ZNF26: variants seen among roughly 807,000 people sequenced by gnomAD.
ZNF26 encodes the protein zinc finger protein 26, also known as epididymis luminal protein 179.
In ZNF26, 32 loss-of-function variants were observed where a neutral mutation model predicts 54.9. The observed-to-expected ratio is 0.58, with a 90% confidence interval of 0.44 to 0.78. The LOEUF (loss-of-function observed/expected upper bound fraction) is 0.78, where lower values mean the gene tolerates loss of function less well. Among genes scored for constraint, ZNF26 ranks in the 30% least tolerant of loss-of-function variants. The pLI, the probability that ZNF26 is intolerant of heterozygous loss-of-function variation, is 0.00. For synonymous variants in ZNF26, 221 were observed against 209.2 expected (o/e 1.06, Z -0.49); for missense variants, 524 against 634.0 (o/e 0.83, Z 1.86).
intron 1 of ZNF26, chr12:132,995,288 C>A: frequency 6.5e-6 from 1 of 152,680 alleles, no homozygotes; most frequent in South Asian, 1.9e-4. Flanking sequence ...AACACAACCC[C>A]ACGAGAAGGA....
intron 1 of ZNF26, among the ~76,000 whole-genome samples, chr12:133,000,985 C>G (rs1953207530): frequency 5.9e-5 from 9 of 152,180 alleles, no homozygotes; most frequent in Admixed American, 5.9e-4. Context: ...CTCTTCCATC[C>G]TGTGTCCCCA....
chr12:132,995,630 A>G (rs1270440288), intron 1 of ZNF26, among the ~76,000 whole-genome samples: 7 of 152,118 alleles, frequency 4.6e-5, no homozygotes, highest in Non-Finnish European at 4.4e-5. Flanking sequence ...TTTAAAAGGA[A>G]TAACCACAGA....
At chr12:133,000,570 G>A (rs1021297132) in intron 1 of ZNF26, among the ~76,000 whole-genome samples, 145 of 151,832 alleles carry the variant, frequency 9.6e-4, no homozygotes, top group African/African-American at 3.4e-3. Context: ...GACTACAGGC[G>A]CCCGCCACCA....
In ZNF26 at chr12:133,014,488, G is replaced by C. The variant is rs1373261557; in HGVS notation, c.*3007G>C. ...GGCAATTACTTACAGCATATACTTG[G>C]TGCACTGACACCCAGCAGTGATGAT... On this transcript the variant is annotated 3_prime_UTR_variant, in exon 4 of 4. Coordinates refer to ENST00000328654, the MANE Select transcript of ZNF26 (RefSeq NM_019591.4). 6.6e-6 allele frequency: 1 copy of C among 151,908 alleles called. No individual in the cohort carries two copies. Among genetic ancestry groups the C allele is most frequent in the African/African-American group, 2.4e-5 (1 of 41,348 alleles). 9.4% of individuals were successfully genotyped at this position (151,908 alleles called of 1,614,324 possible). A position where few individuals can be genotyped will look rare whatever the true frequency, so the allele number is the denominator to read the frequency against.
intron 1 of ZNF26, among the ~76,000 whole-genome samples, chr12:132,994,521 C>T (rs1162361835): frequency 2.6e-5 from 4 of 152,134 alleles, no homozygotes; most frequent in Non-Finnish European, 4.4e-5. Context: ...TCTCTCTCCT[C>T]GGAGGTAATC....
At position 133,013,289 on chromosome 12, in the gene ZNF26, T is replaced by C. The variant is rs371873596; in HGVS notation, c.*1808T>C. 1.0e-3 allele frequency: 154 copies of C among 152,336 alleles called. 4 individuals carry two copies. The East Asian group carries it at 0.021, about 20-fold the overall frequency. 9.4% of individuals were successfully genotyped at this position (152,336 alleles called of 1,614,324 possible). A position where few individuals can be genotyped will look rare whatever the true frequency, so the allele number is the denominator to read the frequency against. ...CAACTTTGACATTGCTGAAAAAGTT[T>C]CTTACAGCTGTAGGAGTGAGGTGGT... On this transcript the variant is annotated 3_prime_UTR_variant, in exon 4 of 4. Coordinates refer to ENST00000328654, the MANE Select transcript of ZNF26 (RefSeq NM_019591.4).
chr12:133,007,595 T>A, intron 3 of ZNF26, 63 bp downstream of exon 3: 1 of 1,165,494 alleles, frequency 8.6e-7, no homozygotes, highest in Non-Finnish European at 1.2e-6. Flanking sequence ...ACCTGAGGAG[T>A]GGGCACTCAC....
chr12:133,007,350 G>A, intron 2 of ZNF26, 87 bp from the exon 3 acceptor site: 1 of 1,332,920 alleles, frequency 7.5e-7, no homozygotes, highest in Non-Finnish European at 1.0e-6. Flanking sequence ...CCCCAAGTGA[G>A]ATGAGCAGTT....
intron 1 of ZNF26, among the ~76,000 whole-genome samples, chr12:133,002,108 C>G (rs961832873): frequency 1.0e-3 from 153 of 152,290 alleles, no homozygotes; most frequent in African/African-American, 3.5e-3. Context: ...CCCCCATCTT[C>G]CGTCATTCAT....
Position 133,012,807 on chromosome 12 carries a change from G to C in ZNF26, c.*1326G>C, listed in dbSNP as rs983415039. ...TTGGCCAGGCTGGTCTTGAACTCCT[G>C]ACCTCAGGTGATCTGCCCACTTCAG... is the stretch of plus-strand genomic sequence containing the variant. On this transcript the variant is annotated 3_prime_UTR_variant, in exon 4 of 4. Transcript: ENST00000328654. 42 of 152,008 alleles carry C rather than the reference G, an allele frequency of 2.8e-4. No individual in the cohort carries two copies. The highest frequency in any genetic ancestry group is 9.4e-4 in the African/African-American group (39 of 41,448). The allele number at this position is 152,008 out of a possible 1,614,324, so 9.4% of individuals were successfully genotyped here.
chr12:133,001,573 A>G lies in ZNF26; in HGVS notation c.34-5469A>G, dbSNP rs4758930. 948,050 of 1,004,594 alleles carry G rather than the reference A, an allele frequency of 0.94. 448,927 individuals are homozygous for G. The highest frequency in any genetic ancestry group is 1 in the East Asian group (16,641 of 16,674). 62.2% of individuals were successfully genotyped at this position (1,004,594 alleles called of 1,614,324 possible). On this transcript the variant is annotated intron_variant, in intron 1 of 3. Transcript: ENST00000328654. The surrounding 1 kb of genome is among the most constrained non-coding windows in gnomAD (Gnocchi z 4.7). ...TGTATGTGATTCTTTCTCTCACTGC[A>G]TGCAGACTCACCCAGAAGTCCACTC...
At chr12:133,003,556 CT>C (rs1490561753) in intron 1 of ZNF26, among the ~76,000 whole-genome samples, 2 of 152,048 alleles carry the variant, frequency 1.3e-5, no homozygotes, top group African/African-American at 4.8e-5. Flanking sequence ...CCTGGCCTCC[CT>C]TTTCTTTTAG....
intron 1 of ZNF26, among the ~76,000 whole-genome samples, chr12:132,988,507 G>A (rs1012805348): frequency 1.1e-3 from 164 of 151,934 alleles, no homozygotes; most frequent in Middle Eastern, 0.01. Context: ...GCCTCCCAAA[G>A]CATTGGTGGG....
At chr12:132,997,051 G>A (rs1953101244) in intron 1 of ZNF26, among the ~76,000 whole-genome samples, 1 of 152,208 alleles carries the variant, frequency 6.6e-6, no homozygotes, top group Non-Finnish European at 1.5e-5. Flanking sequence ...GTAGGGAGGG[G>A]TGGTTCAGAA....
chr12:133,015,510 A>G lies in ZNF26; in HGVS notation c.*4029A>G, dbSNP rs1301862436. The G allele has an allele frequency of 6.7e-6, 1 of 149,048 alleles. No individual in the cohort carries two copies. The highest frequency in any genetic ancestry group is 1.5e-5 in the Non-Finnish European group (1 of 67,360). The allele number at this position is 149,048 out of a possible 1,614,324, so 9.2% of individuals were successfully genotyped here. ...AAAGAGAACTAAAAAATGAAAAAAA[A>G]TAAGATGCTTTCCTATGGTCCCAGC... On this transcript the variant is annotated 3_prime_UTR_variant, in exon 4 of 4. Transcript: ENST00000328654.
rs1953575531 is a variant in ZNF26, at chr12:133,017,008, G to A, written c.*5527G>A. 6.6e-6 allele frequency: 1 copy of A among 152,040 alleles called. No individual in the cohort carries two copies. The highest frequency in any genetic ancestry group is 1.5e-5 in the Non-Finnish European group (1 of 68,022). The allele number at this position is 152,040 out of a possible 1,614,324, so 9.4% of individuals were successfully genotyped here. A position where few individuals can be genotyped will look rare whatever the true frequency, so the allele number is the denominator to read the frequency against. ...TGAAAGAAAATATCTACCTAGAAGG[G>A]TTATTCACAAACCAGGGTGAAATAA... On this transcript the variant is annotated 3_prime_UTR_variant, in exon 4 of 4. Coordinates refer to ENST00000328654, the MANE Select transcript of ZNF26 (RefSeq NM_019591.4).
At chr12:133,007,604 A>T in intron 3 of ZNF26, 72 bp downstream of exon 3, 1 of 1,080,070 alleles carries the variant, frequency 9.3e-7, no homozygotes, top group Non-Finnish European at 1.4e-6. Flanking sequence ...GTGGGCACTC[A>T]CAGTGTTGTC....
In ZNF26 at chr12:133,010,985, C is replaced by CT; in HGVS notation, c.1108dup (p.Tyr370LeufsTer5). The CT allele has an allele frequency of 6.2e-7, 1 of 1,614,028 alleles. No individual in the cohort carries two copies. Among genetic ancestry groups the CT allele is most frequent in the Non-Finnish European group, 8.5e-7 (1 of 1,180,000 alleles). The stretch of plus-strand genomic sequence containing the variant: ...CAGGGAGTTCACACAGGAAATAATC[C>CT]TTATCAATGCGGTGAATGTGGGAAA... On this transcript the variant is annotated frameshift_variant, in exon 4 of 4. Coordinates refer to ENST00000328654, the MANE Select transcript of ZNF26 (RefSeq NM_019591.4). LOFTEE classifies it high-confidence loss of function.
At position 133,024,263 on chromosome 12, in the gene ZNF26, C is replaced by T. The variant is rs1318362812; in HGVS notation, c.*12782C>T. 2.0e-5 allele frequency: 3 copies of T among 152,120 alleles called. No homozygotes were observed. Among genetic ancestry groups the T allele is most frequent in the Non-Finnish European group, 4.4e-5 (3 of 68,040 alleles). 9.4% of individuals were successfully genotyped at this position (152,120 alleles called of 1,614,324 possible). On this transcript the variant is annotated 3_prime_UTR_variant, in exon 4 of 4. Coordinates refer to ENST00000328654, the MANE Select transcript of ZNF26 (RefSeq NM_019591.4). ...CAGTGGGCTTTGGGGATGGTATTAG[C>T]AGAGTCTAAAAGTCATCAAGGAGGT...
Sources: gnomAD v4.1 joint callset for allele counts (sites outside exome capture counted in the v4.1 genomes callset) on GRCh38, gnomAD v4.1.1 for gene constraint, Gnocchi (gnomAD v3.1) non-coding constraint, MANE v1.5 for transcripts, NCBI Gene and HGNC (gene_info 2026-07-23, HGNC 2026-07-21) for gene names.